MAP6: variants seen among roughly 807,000 people sequenced by gnomAD.
The protein encoded by MAP6 is microtubule associated protein 6.
MAP6 carries 26 observed loss-of-function variants against 42.4 expected under a neutral mutation model. That is an observed-to-expected ratio of 0.61 (90% CI 0.45 to 0.85). The LOEUF is 0.85. MAP6 is among the 40% of genes least tolerant of loss of function. The pLI is 0.00. For missense variants in MAP6, 966 were observed against 1,099.0 expected, an observed-to-expected ratio of 0.88 and a Z score of 1.71; for synonymous variants, 418 against 443.8, an observed-to-expected ratio of 0.94 and a Z score of 0.73.
intron 1 of MAP6, among the ~76,000 whole-genome samples, chr11:75,659,931 G>A (rs1032554856): frequency 6.6e-5 from 10 of 152,120 alleles, no homozygotes; most frequent in African/African-American, 2.4e-4. Context: ...AGAATTAATC[G>A]TATATATCTT....
chr11:75,599,966 A>T (rs1469152511), intron 3 of MAP6, among the ~76,000 whole-genome samples: 6 of 152,362 alleles, frequency 3.9e-5, no homozygotes, highest in Non-Finnish European at 5.9e-5. Context: ...AGCAACGCAT[A>T]CATATAAATT....
At chr11:75,604,543 T>C (rs895276605) in intron 3 of MAP6, 15 of 985,302 alleles carry the variant, frequency 1.5e-5, no homozygotes, top group Admixed American at 6.1e-5. Flanking sequence ...ACACGTCATA[T>C]TGGCAAATAT....
At chr11:75,641,816 T>A (rs2135659896) in intron 1 of MAP6, among the ~76,000 whole-genome samples, 1 of 152,314 alleles carries the variant, frequency 6.6e-6, no homozygotes, top group East Asian at 1.9e-4. Context: ...CACGCTCTAC[T>A]TCATCTAGCA....
intron 3 of MAP6, chr11:75,599,081 G>A (rs779227721): frequency 1.3e-5 from 2 of 152,152 alleles, no homozygotes; most frequent in Non-Finnish European, 2.9e-5. Flanking sequence ...GCCCACGGAT[G>A]GTTTAAAGCA....
intron 3 of MAP6, 111 bp from the exon 4 acceptor site, chr11:75,588,295 C>G (rs775278491): frequency 1.2e-5 from 11 of 918,030 alleles, no homozygotes; most frequent in African/African-American, 3.4e-5. Flanking sequence ...CCGGGCAGCT[C>G]TTGCTGGAGA....
At position 75,667,619 on chromosome 11, in the gene MAP6, C is replaced by A. The variant is rs1455228721; in HGVS notation, c.751G>T (p.Ala251Ser). 2 of 1,297,150 alleles carry A rather than the reference C, an allele frequency of 1.5e-6. No individual in the cohort carries two copies. Among genetic ancestry groups the A allele is most frequent in the South Asian group, 2.5e-5 (1 of 40,444 alleles). 80.4% of individuals were successfully genotyped at this position (1,297,150 alleles called of 1,614,324 possible). A position where few individuals can be genotyped will look rare whatever the true frequency, so the allele number is the denominator to read the frequency against. Residue 251 changes from alanine (A) to serine (S), a missense_variant, in exon 1 of 4, where the codon GCC becomes TCC. Ala to Ser is a moderately conservative substitution (Grantham distance 99). Transcript: ENST00000304771. The surrounding 1 kb of genome is among the most constrained non-coding windows in gnomAD (Gnocchi z 5.6). Reference sequence around the variant, plus strand: ...GTCTGCTCGTGCCCCAGGCCCTCGGCGCGGCGCACAATCCAGGCAGGCCCG... The same window carrying A: ...GTCTGCTCGTGCCCCAGGCCCTCGGAGCGGCGCACAATCCAGGCAGGCCCG... The part of the protein sequence containing the change: ...KAGPAWIVRR[A>S]EGLGHEQTPL...
rs1942390708 is a variant in MAP6, at chr11:75,587,839, C to T, written c.1662G>A (p.Val554=). The change falls in exon 4 of 4, where the codon GTG becomes GTA. Residue 554 remains valine, a synonymous_variant. Coordinates refer to ENST00000304771, the MANE Select transcript of MAP6 (RefSeq NM_033063.2). Reference sequence around the variant, plus strand: ...CTTGATCCTTTAGAGACTCTGGTACCACAGAGCCTTGATCCTTAACTTTTG... The same window carrying T: ...CTTGATCCTTTAGAGACTCTGGTACTACAGAGCCTTGATCCTTAACTTTTG... ...VPAKVKDQGS[V]VPESLKDQGP... The T allele has an allele frequency of 1.2e-6, 2 of 1,614,140 alleles. No individual in the cohort carries two copies. Among genetic ancestry groups the T allele is most frequent in the Non-Finnish European group, 1.7e-6 (2 of 1,180,012 alleles).
At chr11:75,636,246 T>C (rs1943367204) in intron 1 of MAP6, 1 of 152,268 alleles carries the variant, frequency 6.6e-6, no homozygotes, top group South Asian at 2.1e-4. Flanking sequence ...TAATTTACAG[T>C]GGGCAACTTG....
At chr11:75,651,020 T>C (rs568109908) in intron 1 of MAP6, among the ~76,000 whole-genome samples, 8 of 152,270 alleles carry the variant, frequency 5.3e-5, no homozygotes, top group Admixed American at 5.2e-4. Flanking sequence ...CCCATCATTA[T>C]CATCATCTTC....
chr11:75,645,428 T>G (rs1943540229), intron 1 of MAP6, among the ~76,000 whole-genome samples: 1 of 152,164 alleles, frequency 6.6e-6, no homozygotes, highest in Non-Finnish European at 1.5e-5. Flanking sequence ...GAATCCCTAT[T>G]TGCAGCACCC....
At chr11:75,648,484 T>A (rs545117406) in intron 1 of MAP6, among the ~76,000 whole-genome samples, 3 of 151,670 alleles carry the variant, frequency 2.0e-5, no homozygotes, top group African/African-American at 7.3e-5. Context: ...GGCAACAGAG[T>A]GAGACCCTGT....
At chr11:75,597,156 C>A (rs901313310) in intron 3 of MAP6, 1 of 152,220 alleles carries the variant, frequency 6.6e-6, no homozygotes, top group African/African-American at 2.4e-5. Flanking sequence ...AGTAAAGGTT[C>A]ATTCCCTCCC....
chr11:75,611,691 T>C (rs1202879903), intron 1 of MAP6, among the ~76,000 whole-genome samples: 1 of 152,220 alleles, frequency 6.6e-6, no homozygotes, highest in Non-Finnish European at 1.5e-5. Context: ...TCTAATCACA[T>C]ACAACAACTA....
chr11:75,629,664 T>C (rs1943253935), intron 1 of MAP6, among the ~76,000 whole-genome samples: 1 of 152,190 alleles, frequency 6.6e-6, no homozygotes, highest in Non-Finnish European at 1.5e-5. Context: ...ACTTGCTTGT[T>C]TGTCAAAGGG....
intron 1 of MAP6, among the ~76,000 whole-genome samples, chr11:75,661,988 C>G (rs1288561808): frequency 3.3e-5 from 5 of 152,004 alleles, no homozygotes; most frequent in Non-Finnish European, 5.9e-5. Context: ...ACATACAAAA[C>G]TTAATGCATA....
intron 3 of MAP6, chr11:75,605,551 G>C: frequency 7.8e-7 from 1 of 1,276,318 alleles, no homozygotes; most frequent in South Asian, 1.7e-5. Flanking sequence ...AGAGTGCCAG[G>C]GGAGGGCACA....
intron 3 of MAP6, among the ~76,000 whole-genome samples, chr11:75,600,309 G>A (rs1942644450): frequency 1.3e-5 from 2 of 152,144 alleles, no homozygotes; most frequent in African/African-American, 4.8e-5. Context: ...AGCGTTGCAC[G>A]GCAGCACTGG....
intron 3 of MAP6, among the ~76,000 whole-genome samples, chr11:75,596,886 G>A (rs75954): frequency 0.45 from 68,419 of 151,948 alleles, 15,925 homozygotes; most frequent in Middle Eastern, 0.6. Flanking sequence ...CAGAGCAAGC[G>A]AGGGACAGAG....
chr11:75,614,504 G>A (rs1295646906), intron 1 of MAP6, among the ~76,000 whole-genome samples: 1 of 152,114 alleles, frequency 6.6e-6, no homozygotes, highest in Non-Finnish European at 1.5e-5. Flanking sequence ...TACTCTCTCT[G>A]GGGCAGCAAG....
Sources: gnomAD v4.1 joint callset for allele counts (sites outside exome capture counted in the v4.1 genomes callset) on GRCh38, gnomAD v4.1.1 for gene constraint, Gnocchi (gnomAD v3.1) non-coding constraint, MANE v1.5 for transcripts, NCBI Gene and HGNC (gene_info 2026-07-23, HGNC 2026-07-21) for gene names.